Variants in PHIP observed in about 807,000 individuals in gnomAD.
PHIP encodes PH-interacting protein.
PHIP carries 54 observed loss-of-function variants against 236.8 expected under a neutral mutation model. That is an observed-to-expected ratio of 0.23 (90% CI 0.18 to 0.29). The LOEUF (loss-of-function observed/expected upper bound fraction) is 0.29. Ranked by LOEUF, PHIP falls within the 10% of genes least tolerant of loss-of-function variation. PHIP has a pLI of 1.00. For missense variants in PHIP, 1,370 were observed against 2,190.8 expected (o/e 0.63, Z 7.48); for synonymous variants, 756 against 718.9 (o/e 1.05, Z -0.83).
chr6:79,045,885 C>G (rs1478339304), intron 6 of PHIP, among the ~76,000 whole-genome samples: 1 of 152,108 alleles, frequency 6.6e-6, no homozygotes. Context: ...TTAAATAAAG[C>G]TTCCCAAAGC....
intron 30 of PHIP, among the ~76,000 whole-genome samples, chr6:78,962,587 A>G (rs1766856074): frequency 6.6e-6 from 1 of 152,092 alleles, no homozygotes; most frequent in Non-Finnish European, 1.5e-5. Flanking sequence ...CCACCACATA[A>G]TCTAGTTACT....
In PHIP at chr6:78,936,109, G is replaced by A. The variant is rs144369887; in HGVS notation, c.*4584C>T. 2 of 151,816 alleles carry A rather than the reference G, an allele frequency of 1.3e-5. No homozygotes were observed. Among genetic ancestry groups the A allele is most frequent in the East Asian group, 1.9e-4 (1 of 5,176 alleles). The allele number at this position is 151,816 out of a possible 1,614,324, so 9.4% of individuals were successfully genotyped here. Reference sequence around the variant, plus strand: ...GTTTATAATATGATACTCCAGGTTCGGAAGGAAAAAAACAAACTTCAATAA... The same window carrying A: ...GTTTATAATATGATACTCCAGGTTCAGAAGGAAAAAAACAAACTTCAATAA... On this transcript the variant is annotated 3_prime_UTR_variant, in exon 40 of 40. Coordinates refer to ENST00000275034, the MANE Select transcript of PHIP (RefSeq NM_017934.7).
At chr6:79,002,979 C>G (rs1770083801) in intron 16 of PHIP, among the ~76,000 whole-genome samples, 1 of 152,024 alleles carries the variant, frequency 6.6e-6, no homozygotes, top group Non-Finnish European at 1.5e-5. Flanking sequence ...TAAAATTTCA[C>G]TGGTTAATTT....
At chr6:78,982,501 T>TAAACA (rs998189627) in intron 23 of PHIP, among the ~76,000 whole-genome samples, 2 of 152,188 alleles carry the variant, frequency 1.3e-5, no homozygotes, top group Admixed American at 1.3e-4. Context: ...AGACTTTGTT[T>TAAACA]ATTTTCAGCA....
chr6:79,001,764 A>G (rs747059687), intron 17 of PHIP, 135 bp downstream of exon 17: 13 of 612,570 alleles, frequency 2.1e-5, no homozygotes, highest in South Asian at 8.0e-5. Context: ...ATGATCAAAG[A>G]CCTGTATAAA....
In PHIP at chr6:79,047,050, G is replaced by A. The variant is rs150641877; in HGVS notation, c.440-4047C>T. Among the ~76,000 whole-genome samples the A allele has an allele frequency of 6.4e-4, 97 of 152,124 alleles. 1 individual carries two copies. In the South Asian group the frequency reaches 8.1e-3, roughly 13 times the overall value. ...ATTCACTTAATTTTCTGAATATAGAGGATAAATGAAATAAAAATTCCAGAA... is the reference window on the plus strand; with the variant it reads ...ATTCACTTAATTTTCTGAATATAGAAGATAAATGAAATAAAAATTCCAGAA... On this transcript the variant is annotated intron_variant, in intron 6 of 39. Coordinates refer to ENST00000275034, the MANE Select transcript of PHIP (RefSeq NM_017934.7).
chr6:78,997,691 G>T lies in PHIP; in HGVS notation c.2018-94C>A, dbSNP rs553480440. Reference sequence around the variant, plus strand: ...AGAGATAAAACACTATCTTCCATAAGAAACTTCATATTGTGGCAAAATAAT... The same window carrying T: ...AGAGATAAAACACTATCTTCCATAATAAACTTCATATTGTGGCAAAATAAT... On this transcript the variant is annotated intron_variant, in intron 18 of 39. Transcript: ENST00000275034. 1.5e-5 allele frequency: 15 copies of T among 983,628 alleles called. No homozygotes were observed. In the East Asian group the frequency reaches 4.0e-4, roughly 26 times the overall value. 60.9% of individuals were successfully genotyped at this position (983,628 alleles called of 1,614,324 possible).
intron 6 of PHIP, among the ~76,000 whole-genome samples, chr6:79,058,465 A>G (rs182224435): frequency 6.6e-6 from 1 of 152,206 alleles, no homozygotes; most frequent in Admixed American, 6.5e-5. Context: ...AAAATGACTA[A>G]CACCAATTTT....
At chr6:79,044,859 C>T (rs1042444519) in intron 6 of PHIP, among the ~76,000 whole-genome samples, 5 of 152,092 alleles carry the variant, frequency 3.3e-5, no homozygotes, top group Non-Finnish European at 7.4e-5. Context: ...GCAAAAACTA[C>T]TTCTCTTAAA....
At chr6:79,076,586 C>T (rs1431404309) in intron 4 of PHIP, among the ~76,000 whole-genome samples, 1 of 152,150 alleles carries the variant, frequency 6.6e-6, no homozygotes, top group African/African-American at 2.4e-5. Flanking sequence ...ATTTTGACAA[C>T]CCACAAAATT....
intron 9 of PHIP, among the ~76,000 whole-genome samples, chr6:79,020,740 TG>T (rs1455775143): frequency 3.9e-5 from 6 of 152,228 alleles, no homozygotes; most frequent in Non-Finnish European, 8.8e-5. Context: ...CGAAGATTTG[TG>T]GGTTTTTTGG....
At position 79,078,187 on chromosome 6, in the gene PHIP, A is replaced by C; in HGVS notation, c.-119T>G. The stretch of plus-strand genomic sequence containing the variant: ...TGTTCACGAGCCGAGCTTCGGCTCC[A>C]CCATTCAAGCAACGGCGGCGGAGGC... On this transcript the variant is annotated 5_prime_UTR_variant, in exon 1 of 40. Coordinates refer to ENST00000275034, the MANE Select transcript of PHIP (RefSeq NM_017934.7). The C allele has an allele frequency of 1.0e-6, 1 of 970,634 alleles. No individual in the cohort carries two copies. Among genetic ancestry groups the C allele is most frequent in the African/African-American group, 1.7e-5 (1 of 59,622 alleles). The allele number at this position is 970,634 out of a possible 1,614,324, so 60.1% of individuals were successfully genotyped here.
chr6:78,935,834 A>C lies in PHIP; in HGVS notation c.*4859T>G, dbSNP rs763846179. 12 of 690,036 alleles carry C rather than the reference A, an allele frequency of 1.7e-5. No homozygotes were observed. Among genetic ancestry groups the C allele is most frequent in the Non-Finnish European group, 2.1e-5 (12 of 560,380 alleles). 42.7% of individuals were successfully genotyped at this position (690,036 alleles called of 1,614,324 possible). ...TTTATGTGATGCCAAAAAACTTTAA[A>C]AAGCAAATAATAAATCATGAGGCTC... On this transcript the variant is annotated 3_prime_UTR_variant, in exon 40 of 40. Coordinates refer to ENST00000275034, the MANE Select transcript of PHIP (RefSeq NM_017934.7).
At chr6:79,016,447 A>G (rs1410271889) in intron 13 of PHIP, 97 bp downstream of exon 13, 2 of 571,676 alleles carry the variant, frequency 3.5e-6, no homozygotes, top group Non-Finnish European at 6.0e-6. Flanking sequence ...TAATTTTAAC[A>G]TGATATATAA....
At chr6:79,058,568 T>C (rs772811109) in intron 6 of PHIP, among the ~76,000 whole-genome samples, 7 of 152,266 alleles carry the variant, frequency 4.6e-5, no homozygotes, top group Non-Finnish European at 1.0e-4. Flanking sequence ...GAATCCTGGC[T>C]TCACTTCTCA....
In PHIP at chr6:78,963,064, G is replaced by C. The variant is rs180822746; in HGVS notation, c.3535+33C>G. On this transcript the variant is annotated intron_variant, in intron 30 of 39. Coordinates refer to ENST00000275034, the MANE Select transcript of PHIP (RefSeq NM_017934.7). The stretch of plus-strand genomic sequence containing the variant: ...TTTTCCATTACTTTGTGTTCTGCCA[G>C]TTTTTTCTATACTCGCGTGTTGCTT... 1,050 of 1,536,140 alleles carry C rather than the reference G, an allele frequency of 6.8e-4. 12 individuals are homozygous for C. The Admixed American group carries it at 7.1e-3, about 10-fold the overall frequency.
chr6:79,052,540 T>C (rs1020306339), intron 6 of PHIP, among the ~76,000 whole-genome samples: 2 of 152,202 alleles, frequency 1.3e-5, no homozygotes, highest in Admixed American at 1.3e-4. Context: ...TAGTAAGATT[T>C]ACTTTGGGAT....
Position 78,972,470 on chromosome 6 carries a change from C to T in PHIP, c.2890-1582G>A, listed in dbSNP as rs184188269. On this transcript the variant is annotated intron_variant, in intron 24 of 39. Transcript: ENST00000275034. ...ACTGGAAACTCTAAAAATCAGAGCA[C>T]CTCTCCTCCTCCAAAGGAACACAGC... Among the ~76,000 whole-genome samples, 961 of 152,266 alleles carry T rather than the reference C, an allele frequency of 6.3e-3. 19 individuals are homozygous for T. The highest frequency in any genetic ancestry group is 0.022 in the African/African-American group (904 of 41,550).
chr6:79,043,829 CTT>C (rs56960316), intron 6 of PHIP, among the ~76,000 whole-genome samples: 3 of 139,212 alleles, frequency 2.2e-5, no homozygotes, highest in African/African-American at 5.2e-5. Flanking sequence ...CTAATACAGG[CTT>C]TTTTTTTTTT....
Sources: gnomAD v4.1 joint callset for allele counts (sites outside exome capture counted in the v4.1 genomes callset) on GRCh38, gnomAD v4.1.1 for gene constraint, MANE v1.5 for transcripts, NCBI Gene and HGNC (gene_info 2026-07-23, HGNC 2026-07-21) for gene names.